The following ATG2B variants were observed in gnomAD, a reference collection of about 807,000 sequenced individuals.
The protein encoded by ATG2B is autophagy-related protein 2 homolog B.
A neutral mutation model predicts 241.3 loss-of-function variants in ATG2B; 121 were observed. That is an observed-to-expected ratio of 0.50 (90% CI 0.43 to 0.58). The LOEUF (loss-of-function observed/expected upper bound fraction) is 0.58, where lower values mean the gene tolerates loss of function less well. ATG2B is among the 20% of genes least tolerant of loss of function. ATG2B has a pLI of 0.00. For missense variants in ATG2B, 2,306 were observed against 2,491.6 expected (o/e 0.93, Z 1.59); for synonymous variants, 858 against 876.6 (o/e 0.98, Z 0.37).
At position 96,302,112 on chromosome 14, in the gene ATG2B, C is replaced by CA; in HGVS notation, c.5038-5dup. The CA allele has an allele frequency of 6.3e-7, 1 of 1,589,318 alleles. No homozygotes were observed. The highest frequency in any genetic ancestry group is 1.1e-5 in the South Asian group (1 of 89,990). ...CGTGTAAGGCTTTCACTGTCAACTA[C>CA]AAGGCAAGAAAGAGAATAACATTTT... On this transcript the variant is annotated splice_polypyrimidine_tract_variant and splice_region_variant and intron_variant, in intron 33 of 41. Coordinates refer to ENST00000359933, the MANE Select transcript of ATG2B (RefSeq NM_018036.7).
At chr14:96,341,947 C>T (rs1164449152) in intron 5 of ATG2B, among the ~76,000 whole-genome samples, 16 of 151,996 alleles carry the variant, frequency 1.1e-4, no homozygotes, top group Admixed American at 1.0e-3. Context: ...AGTATCTGTT[C>T]AAGTTACAGC....
chr14:96,328,329 C>A lies in ATG2B; in HGVS notation c.2163+18G>T. 1.3e-6 allele frequency: 2 copies of A among 1,559,964 alleles called. No individual in the cohort carries two copies. Among genetic ancestry groups the A allele is most frequent in the Non-Finnish European group, 1.7e-6 (2 of 1,146,290 alleles). On this transcript the variant is annotated intron_variant, in intron 14 of 41. Transcript: ENST00000359933. ...TAACCATAATTATGATTAGTATTTG[C>A]AGCTTTTGAATACTTACCAGACTAA...
At position 96,305,646 on chromosome 14, in the gene ATG2B, A is replaced by C. The variant is rs141159576; in HGVS notation, c.4676T>G (p.Leu1559Arg). 2.5e-6 allele frequency: 4 copies of C among 1,614,194 alleles called. No homozygotes were observed. The highest frequency in any genetic ancestry group is 1.7e-5 in the Admixed American group (1 of 60,024). The part of the protein sequence containing the change: ...VVKEVSLVWH[L>R]YGGKDFGIVP... Reference sequence around the variant, plus strand: ...TATTCCAAAATCCTTTCCTCCATAAAGATGCCAGACAAGAGAGACCTCCTT... The same window carrying C: ...TATTCCAAAATCCTTTCCTCCATAACGATGCCAGACAAGAGAGACCTCCTT... Residue 1559 changes from leucine to arginine, a missense_variant, in exon 31 of 42, where the codon CTT (leucine) becomes CGT (arginine). This residue lies in a region of ATG2B where 1,927 missense variants were observed against 2,011.2 expected (regional missense o/e 0.96). Transcript: ENST00000359933.
intron 34 of ATG2B, among the ~76,000 whole-genome samples, chr14:96,300,378 T>A (rs765047549): frequency 1.3e-4 from 20 of 151,862 alleles, no homozygotes; most frequent in Non-Finnish European, 2.1e-4. Flanking sequence ...AATAGAAAAT[T>A]AGCTGGACAT....
At chr14:96,344,786 G>C in intron 3 of ATG2B, 30 bp from the exon 4 acceptor site, 3 of 1,062,410 alleles carry the variant, frequency 2.8e-6, no homozygotes, top group Non-Finnish European at 4.2e-6. Context: ...GTCAACGTAA[G>C]AGACCACATA....
At position 96,295,177 on chromosome 14, in the gene ATG2B, T is replaced by A. The variant is rs45468796; in HGVS notation, c.5219-10A>T. 472,228 of 1,609,356 alleles carry A rather than the reference T, an allele frequency of 0.29. 71,731 individuals are homozygous for A. The highest frequency in any genetic ancestry group is 0.44 in the African/African-American group (33,227 of 74,866). Reference sequence around the variant, plus strand: ...CCAGGAGACTTTTTAACTGAAAATGTAATGTGCATGTTTGAAAAATTAGAT... The same window carrying A: ...CCAGGAGACTTTTTAACTGAAAATGAAATGTGCATGTTTGAAAAATTAGAT... On this transcript the variant is annotated splice_polypyrimidine_tract_variant and intron_variant, in intron 35 of 41. Transcript: ENST00000359933.
rs3759602 is a variant in ATG2B at position 96,311,071 on chromosome 14, T to C, written c.4161+46A>G. On this transcript the variant is annotated intron_variant, in intron 28 of 41. Transcript: ENST00000359933. ...CATGAAGACCTCAATAATGTAAACA[T>C]GTCACGACATGGCAGGGACTGGAGG... is the stretch of plus-strand genomic sequence containing the variant. 597,197 of 1,514,406 alleles carry C rather than the reference T, an allele frequency of 0.39. 123,743 individuals carry two copies. The highest frequency in any genetic ancestry group is 0.43 in the Non-Finnish European group (484,949 of 1,120,976). The allele number at this position is 1,514,406 out of a possible 1,614,324, so 93.8% of individuals were successfully genotyped here. A position where few individuals can be genotyped will look rare whatever the true frequency, so the allele number is the denominator to read the frequency against.
In ATG2B at chr14:96,328,551, A is replaced by T. The variant is rs201713046; in HGVS notation, c.1975-16T>A. On this transcript the variant is annotated splice_polypyrimidine_tract_variant and intron_variant, in intron 13 of 41. Transcript: ENST00000359933. ...CTTGATTACCCTTTTAAAAAAAAAA[A>T]AGAAAAGGCATTAATACAATCACTA... The T allele has an allele frequency of 8.7e-4, 1,380 of 1,580,114 alleles. No homozygotes were observed. The highest frequency in any genetic ancestry group is 1.1e-3 in the Non-Finnish European group (1,277 of 1,168,752).
intron 1 of ATG2B, among the ~76,000 whole-genome samples, chr14:96,356,682 C>T (rs763032813): frequency 3.9e-5 from 6 of 152,044 alleles, no homozygotes; most frequent in Non-Finnish European, 7.4e-5. Flanking sequence ...GGCCAGAAGC[C>T]TGAATGTTAG....
At chr14:96,297,732 T>A (rs1044113475) in intron 34 of ATG2B, among the ~76,000 whole-genome samples, 8 of 151,984 alleles carry the variant, frequency 5.3e-5, no homozygotes, top group Non-Finnish European at 1.2e-4. Context: ...TCTCAAAATT[T>A]TTTGATTTTG....
At chr14:96,316,227 G>A (rs1160073334) in intron 21 of ATG2B, among the ~76,000 whole-genome samples, 1 of 152,168 alleles carries the variant, frequency 6.6e-6, no homozygotes, top group African/African-American at 2.4e-5. Context: ...ATTTCTTCAT[G>A]GGGTAATAAA....
intron 41 of ATG2B, among the ~76,000 whole-genome samples, chr14:96,287,201 C>T (rs1461948151): frequency 1.5e-5 from 2 of 132,438 alleles, no homozygotes; most frequent in African/African-American, 5.9e-5. Context: ...TTGCAGAGAG[C>T]CGAGATCATG....
rs1371278715 is a variant in ATG2B at position 96,295,024 on chromosome 14, C to T, written c.5362G>A (p.Gly1788Ser). The change falls in exon 36 of 42, where the codon GGC (glycine) becomes AGC (serine). Residue 1788 changes from glycine to serine, a missense_variant. Around this residue, in one of 2 missense-constraint regions of ATG2B, gnomAD observed 379 missense variants for 480.4 expected, o/e 0.79. Transcript: ENST00000359933. ...GCAGAGAAGTTCTTCTCTTCCATGCCATTAACCACTTCCACTGAATTGGCA... is the reference window on the plus strand; with the variant it reads ...GCAGAGAAGTTCTTCTCTTCCATGCTATTAACCACTTCCACTGAATTGGCA... The part of the protein sequence containing the change: ...DSANSVEVVN[G>S]MEEKNFSAEE... 6.2e-7 allele frequency: 1 copy of T among 1,614,180 alleles called. No individual in the cohort carries two copies. Among genetic ancestry groups the T allele is most frequent in the South Asian group, 1.1e-5 (1 of 91,078 alleles).
At chr14:96,326,559 G>A (rs903331183) in intron 14 of ATG2B, among the ~76,000 whole-genome samples, 4 of 152,016 alleles carry the variant, frequency 2.6e-5, no homozygotes, top group African/African-American at 9.7e-5. Flanking sequence ...CAATAAAAGG[G>A]TCAAAGAACA....
intron 10 of ATG2B, among the ~76,000 whole-genome samples, chr14:96,332,079 C>G (rs1887751099): frequency 1.3e-5 from 2 of 152,030 alleles, no homozygotes; most frequent in South Asian, 4.1e-4. Flanking sequence ...TTACAGTGTA[C>G]TTTTAACTAA....
chr14:96,307,511 G>A (rs960767464), intron 29 of ATG2B, among the ~76,000 whole-genome samples: 41 of 152,312 alleles, frequency 2.7e-4, no homozygotes, highest in African/African-American at 9.6e-4. Flanking sequence ...GTTAGTTGGC[G>A]TTGGGGAAGC....
At position 96,289,520 on chromosome 14, in the gene ATG2B, C is replaced by A. The variant is rs1566712419; in HGVS notation, c.6006+136G>T. Reference sequence around the variant, plus strand: ...CCATCACCTCACACAGATATGGGCACATGTTATTAGTGGCAGTTGCCATTC... The same window carrying A: ...CCATCACCTCACACAGATATGGGCAAATGTTATTAGTGGCAGTTGCCATTC... On this transcript the variant is annotated intron_variant, in intron 41 of 41. Coordinates refer to ENST00000359933, the MANE Select transcript of ATG2B (RefSeq NM_018036.7). This position sits in a 1 kb window ranked among gnomAD's most constrained non-coding sequence, Gnocchi z 4.3. 7 of 1,036,832 alleles carry A rather than the reference C, an allele frequency of 6.8e-6. No homozygotes were observed. Among genetic ancestry groups the A allele is most frequent in the South Asian group, 6.2e-5 (4 of 64,732 alleles). The allele number at this position is 1,036,832 out of a possible 1,614,324, so 64.2% of individuals were successfully genotyped here.
Position 96,285,993 on chromosome 14 carries a change from GAGGAGGGAGGT to G in ATG2B, c.6007-19_6007-9del. On this transcript the variant is annotated splice_polypyrimidine_tract_variant and intron_variant, in intron 41 of 41. Transcript: ENST00000359933. The surrounding 1 kb of genome is among the most constrained non-coding windows in gnomAD (Gnocchi z 4.2). ...AGCCGTGTCTGTGATTCCCTGCGTA[GAGGAGGGAGGT>G]AGGAGAGAGGAGGGCAGTGAACAAA... 1 of 1,603,834 alleles carries G rather than the reference GAGGAGGGAGGT, an allele frequency of 6.2e-7. No individual in the cohort carries two copies.
chr14:96,299,121 T>C (rs1462388344), intron 34 of ATG2B, among the ~76,000 whole-genome samples: 3 of 152,270 alleles, frequency 2.0e-5, no homozygotes, highest in East Asian at 1.9e-4. Flanking sequence ...GTTCATCCTA[T>C]AGAGCCTGGT....
Sources: allele counts gnomAD v4.1 joint callset (sites outside exome capture counted in the v4.1 genomes callset), GRCh38; gene constraint gnomAD v4.1.1; regional missense constraint gnomAD v4.1.1; non-coding constraint Gnocchi (gnomAD v3.1); transcripts MANE v1.5; gene names NCBI Gene and HGNC (gene_info 2026-07-23, HGNC 2026-07-21).